Variants in BPIFC observed in about 807,000 individuals in gnomAD.
The protein encoded by BPIFC is BPI fold-containing family C protein.
A neutral mutation model predicts 57.6 loss-of-function variants in BPIFC; 60 were observed. The ratio of observed to expected loss-of-function variants is 1.04; its 90% CI spans 0.85 to 1.29. The LOEUF is 1.29. BPIFC is among the 50% of genes most tolerant of loss of function. BPIFC has a pLI of 0.00. For missense variants in BPIFC, 581 were observed against 600.5 expected, an observed-to-expected ratio of 0.97 and a Z score of 0.34; for synonymous variants, 243 against 224.5, an observed-to-expected ratio of 1.08 and a Z score of -0.74.
At chr22:32,462,175 A>T (rs1343486182) in intron 1 of BPIFC, among the ~76,000 whole-genome samples, 2 of 148,228 alleles carry the variant, frequency 1.3e-5, no homozygotes, top group African/African-American at 5.0e-5. Context: ...TCTCAAAAAA[A>T]AAAAAAAAAA....
intron 4 of BPIFC, among the ~76,000 whole-genome samples, chr22:32,449,464 T>C (rs1934824271): frequency 6.6e-6 from 1 of 152,234 alleles, no homozygotes; most frequent in African/African-American, 2.4e-5. Context: ...CATCCTTTCC[T>C]ACCTAGTCTC....
intron 13 of BPIFC, among the ~76,000 whole-genome samples, chr22:32,430,574 A>C (rs1002839864): frequency 1.6e-4 from 24 of 148,006 alleles, no homozygotes; most frequent in African/African-American, 5.6e-4. Context: ...TATATTTATT[A>C]CATATGTAAT....
intron 2 of BPIFC, among the ~76,000 whole-genome samples, chr22:32,460,745 AC>A (rs1277880520): frequency 6.6e-6 from 1 of 151,956 alleles, no homozygotes; most frequent in Non-Finnish European, 1.5e-5. Context: ...TTTCCTTTTA[AC>A]CCTTGATCAA....
Position 32,435,854 on chromosome 22 carries a change from G to T in BPIFC, c.774C>A (p.Leu258=), listed in dbSNP as rs139540172. ...GAACTGGTGAGAAGGGGGGGTCGGT[G>T]AGGTTTTCCAGTGGGTAGAATACAC... ...LKGVFYPLEN[L]TDPPFSPVPF... The change falls in exon 10 of 17, where the codon CTC becomes CTA. Residue 258 remains leucine (L), a synonymous_variant. Transcript: ENST00000300399. The T allele has an allele frequency of 1.5e-4, 240 of 1,614,112 alleles. No individual in the cohort carries two copies. Among genetic ancestry groups the T allele is most frequent in the Non-Finnish European group, 2.0e-4 (233 of 1,180,016 alleles).
intron 13 of BPIFC, among the ~76,000 whole-genome samples, chr22:32,428,494 C>A (rs1015144058): frequency 6.6e-6 from 1 of 152,106 alleles, no homozygotes; most frequent in African/African-American, 2.4e-5. Flanking sequence ...CTAAAGGAAG[C>A]TAATGAAGAA....
At chr22:32,414,773 A>G (rs1364006689) in intron 16 of BPIFC, among the ~76,000 whole-genome samples, 1 of 152,160 alleles carries the variant, frequency 6.6e-6, no homozygotes. Context: ...TGCTAGGATT[A>G]CAAGCATGAG....
rs192709352 is a variant in BPIFC at position 32,433,076 on chromosome 22, G to A, written c.979-533C>T. Among the ~76,000 whole-genome samples the A allele has an allele frequency of 4.3e-4, 66 of 152,298 alleles. No homozygotes were observed. In the East Asian group the frequency reaches 0.011, roughly 26 times the overall value. On this transcript the variant is annotated intron_variant, in intron 11 of 16. Coordinates refer to ENST00000300399, the MANE Select transcript of BPIFC (RefSeq NM_174932.3). Reference sequence around the variant, plus strand: ...AAATTAGCTGGGCATAGTGGCTTGTGCCTGTAGTCCCAGCTACTTGGGAGG... The same window carrying A: ...AAATTAGCTGGGCATAGTGGCTTGTACCTGTAGTCCCAGCTACTTGGGAGG...
At chr22:32,422,686 C>T (rs544101788) in intron 13 of BPIFC, among the ~76,000 whole-genome samples, 3 of 150,876 alleles carry the variant, frequency 2.0e-5, no homozygotes, top group South Asian at 4.2e-4. Flanking sequence ...TCAGTCTGGG[C>T]GACAGAGCAA....
At chr22:32,417,860 T>TA (rs1933728549) in intron 14 of BPIFC, among the ~76,000 whole-genome samples, 1 of 151,188 alleles carries the variant, frequency 6.6e-6, no homozygotes, top group Middle Eastern at 3.2e-3. Context: ...CAATTTTTCT[T>TA]TTTTTTTTAT....
intron 4 of BPIFC, among the ~76,000 whole-genome samples, chr22:32,451,105 C>A (rs1934883601): frequency 6.6e-6 from 1 of 152,186 alleles, no homozygotes; most frequent in African/African-American, 2.4e-5. Context: ...TTAGACAGCA[C>A]AGGCCTAAAA....
At chr22:32,425,997 C>A (rs1199434587) in intron 13 of BPIFC, among the ~76,000 whole-genome samples, 1 of 152,160 alleles carries the variant, frequency 6.6e-6, no homozygotes, top group African/African-American at 2.4e-5. Context: ...TTAGTGGCAG[C>A]ACTGGGATCA....
intron 3 of BPIFC, among the ~76,000 whole-genome samples, chr22:32,454,206 G>A (rs1396979474): frequency 6.6e-6 from 1 of 152,086 alleles, no homozygotes; most frequent in Non-Finnish European, 1.5e-5. Context: ...TGTGTGCTAT[G>A]GACAGTTCCA....
intron 13 of BPIFC, among the ~76,000 whole-genome samples, chr22:32,419,803 CAAAAA>C (rs34812283): frequency 0.076 from 7,813 of 102,532 alleles, 251 homozygotes; most frequent in Admixed American, 0.15. Flanking sequence ...GAGACCCTGT[CAAAAA>C]AAAAAAAAAA....
At chr22:32,423,440 C>G (rs1049758849) in intron 13 of BPIFC, among the ~76,000 whole-genome samples, 5 of 152,080 alleles carry the variant, frequency 3.3e-5, no homozygotes, top group Non-Finnish European at 5.9e-5. Flanking sequence ...AGTCTGAGCT[C>G]CACTGACTTG....
intron 13 of BPIFC, 58 bp downstream of exon 13, chr22:32,431,289 T>C (rs771394988): frequency 7.8e-6 from 11 of 1,413,742 alleles, no homozygotes; most frequent in Non-Finnish European, 1.1e-5. Context: ...ACTTTGTCTC[T>C]GATCAGTTGA....
chr22:32,462,177 AAAAAAAAAAAAAAG>A (rs1371831950), intron 1 of BPIFC, among the ~76,000 whole-genome samples: 7 of 146,796 alleles, frequency 4.8e-5, no homozygotes, highest in African/African-American at 1.8e-4. Flanking sequence ...TCAAAAAAAA[AAAAAAAAAAAAAAG>A]AAAAAAGAAA....
chr22:32,446,664 C>T, intron 5 of BPIFC: 1 of 844,064 alleles, frequency 1.2e-6, no homozygotes, highest in Non-Finnish European at 1.4e-6. Flanking sequence ...GTGGCACCAA[C>T]CAAGGCAGAC....
At chr22:32,451,345 T>C (rs1934890890) in intron 4 of BPIFC, among the ~76,000 whole-genome samples, 1 of 152,234 alleles carries the variant, frequency 6.6e-6, no homozygotes, top group South Asian at 2.1e-4. Flanking sequence ...CGTGTGCATG[T>C]GTCTTTACAG....
chr22:32,428,251 G>A (rs997205010), intron 13 of BPIFC, among the ~76,000 whole-genome samples: 3 of 89,436 alleles, frequency 3.4e-5, no homozygotes, highest in East Asian at 2.6e-4. Flanking sequence ...ACATTAAAAC[G>A]TGTGTGTGTG....
Sources: gnomAD v4.1 joint callset for allele counts (sites outside exome capture counted in the v4.1 genomes callset) on GRCh38, gnomAD v4.1.1 for gene constraint, MANE v1.5 for transcripts, NCBI Gene and HGNC (gene_info 2026-07-23, HGNC 2026-07-21) for gene names.